Variants in COG5 observed in about 807,000 individuals in gnomAD.
COG5 encodes component of oligomeric golgi complex 5, also known as conserved oligomeric Golgi complex subunit 5.
In COG5, 86 loss-of-function variants were observed where a neutral mutation model predicts 110.4. The observed-to-expected ratio is 0.78, with a 90% CI of 0.65 to 0.93. COG5 has a LOEUF of 0.93. Among genes scored for constraint, COG5 ranks in the 40% least tolerant of loss-of-function variants. COG5 has a pLI of 0.00. For synonymous variants in COG5, 360 were observed against 334.6 expected (o/e 1.08, Z -0.83); for missense variants, 1,077 against 987.0 (o/e 1.09, Z -1.22).
chr7:107,344,401 A>G (rs149187665), intron 10 of COG5, among the ~76,000 whole-genome samples: 4 of 152,366 alleles, frequency 2.6e-5, no homozygotes, highest in African/African-American at 9.6e-5. Context: ...CAGCCTTCAC[A>G]GAATTTAAGA....
chr7:107,222,554 T>C (rs147484282), intron 19 of COG5, among the ~76,000 whole-genome samples: 16 of 152,266 alleles, frequency 1.1e-4, no homozygotes, highest in African/African-American at 3.9e-4. Context: ...AAAGCAAAAC[T>C]AGATTTGACT....
chr7:107,215,729 T>C (rs1489416668), intron 19 of COG5, among the ~76,000 whole-genome samples: 1 of 151,510 alleles, frequency 6.6e-6, no homozygotes, highest in Admixed American at 6.6e-5. Flanking sequence ...CTCACTTCTT[T>C]TTTTTTTTTG....
chr7:107,528,248 T>C (rs935665053), intron 5 of COG5, among the ~76,000 whole-genome samples: 2 of 152,036 alleles, frequency 1.3e-5, no homozygotes, highest in Non-Finnish European at 2.9e-5. Context: ...TGTGCCACCA[T>C]GCCTGGCTAA....
chr7:107,527,393 A>G (rs746001992), intron 5 of COG5, 36 bp from the exon 6 acceptor site: 1 of 1,608,776 alleles, frequency 6.2e-7, no homozygotes, highest in Non-Finnish European at 8.5e-7. Flanking sequence ...TAGTTGATCC[A>G]TGAAGTTTTA....
intron 10 of COG5, among the ~76,000 whole-genome samples, chr7:107,336,325 G>A (rs1007012860): frequency 3.9e-5 from 6 of 152,194 alleles, no homozygotes; most frequent in African/African-American, 1.4e-4. Context: ...TACACTATGT[G>A]TGAGCTAGAA....
At chr7:107,297,487 C>A (rs1013422363) in intron 12 of COG5, among the ~76,000 whole-genome samples, 1 of 90,010 alleles carries the variant, frequency 1.1e-5, no homozygotes, top group East Asian at 3.6e-4. Flanking sequence ...ATCATTTTGT[C>A]GCCCAGGCTG....
At chr7:107,373,047 T>C (rs1814322438) in intron 7 of COG5, among the ~76,000 whole-genome samples, 1 of 152,138 alleles carries the variant, frequency 6.6e-6, no homozygotes, top group South Asian at 2.1e-4. Context: ...TGTATAATAT[T>C]CGAGCTTATT....
intron 6 of COG5, among the ~76,000 whole-genome samples, chr7:107,451,550 TGA>T (rs1259416264): frequency 6.6e-6 from 1 of 152,144 alleles, no homozygotes; most frequent in African/African-American, 2.4e-5. Flanking sequence ...CAAGTTACAC[TGA>T]GTGTGCCTGC....
intron 15 of COG5, 96 bp downstream of exon 15, chr7:107,258,177 C>T: frequency 1.4e-6 from 1 of 738,294 alleles, no homozygotes; most frequent in Non-Finnish European, 2.4e-6. Context: ...TCATTGTATT[C>T]TTTTCCAAAG....
In COG5 at chr7:107,479,527, C is replaced by T. The variant is rs545431810; in HGVS notation, c.538+47710G>A. 5.3e-5 allele frequency among the ~76,000 whole-genome samples: 8 copies of T among 151,862 alleles called. No homozygotes were observed. The South Asian group carries it at 1.5e-3, about 28-fold the overall frequency. On this transcript the variant is annotated intron_variant, in intron 6 of 21. Transcript: ENST00000297135. ...GGGAGTGTACAGATGTGACAGGCAA[C>T]GTGAAGGCAGAGTCAATATTTACTA...
At chr7:107,443,581 TGAA>T (rs1794844832) in intron 6 of COG5, among the ~76,000 whole-genome samples, 1 of 151,484 alleles carries the variant, frequency 6.6e-6, no homozygotes, top group South Asian at 2.1e-4. Context: ...TCTAATGTAA[TGAA>T]GTATTATGAT....
chr7:107,452,017 T>A (rs992922982), intron 6 of COG5, among the ~76,000 whole-genome samples: 18 of 152,166 alleles, frequency 1.2e-4, no homozygotes, highest in Non-Finnish European at 5.9e-5. Context: ...CTCCTACGAA[T>A]GGTTCAGTGA....
chr7:107,493,532 T>C (rs570906083), intron 6 of COG5, among the ~76,000 whole-genome samples: 2 of 152,304 alleles, frequency 1.3e-5, no homozygotes, highest in East Asian at 1.9e-4. Flanking sequence ...AAATTTCTCA[T>C]TGTAAAACAG....
intron 6 of COG5, among the ~76,000 whole-genome samples, chr7:107,501,079 T>C (rs888619059): frequency 8.6e-5 from 13 of 152,034 alleles, no homozygotes; most frequent in African/African-American, 2.9e-4. Flanking sequence ...CCCACCTAAT[T>C]TTCCTGTACA....
At chr7:107,441,913 T>C (rs1224646496) in intron 6 of COG5, among the ~76,000 whole-genome samples, 1 of 152,244 alleles carries the variant, frequency 6.6e-6, no homozygotes, top group Non-Finnish European at 1.5e-5. Context: ...AACCTATTGG[T>C]ATGCATTAGT....
chr7:107,519,904 T>C (rs1382346716), intron 6 of COG5, among the ~76,000 whole-genome samples: 2 of 152,178 alleles, frequency 1.3e-5, no homozygotes, highest in Non-Finnish European at 2.9e-5. Context: ...AATAAAATAC[T>C]GGCAAACCGA....
rs10706210 is a variant in COG5, at chr7:107,282,007, C to CA, written c.1476-609dup. ...TAATTGGGGTATTTGATCTGACTGC[C>CA]AAAAAAAAAAAAAAAAGTATTTTAC... On this transcript the variant is annotated intron_variant, in intron 13 of 21. Coordinates refer to ENST00000297135, the MANE Select transcript of COG5 (RefSeq NM_006348.5). 5.8e-3 allele frequency among the ~76,000 whole-genome samples: 653 copies of CA among 113,248 alleles called. 2 individuals are homozygous for CA. The highest frequency in any genetic ancestry group is 9.4e-3 in the Middle Eastern group (2 of 212). 74.3% of individuals were successfully genotyped at this position (113,248 alleles called of 152,430 possible). A position where few individuals can be genotyped will look rare whatever the true frequency, so the allele number is the denominator to read the frequency against.
rs918451375 is a variant in COG5 at position 107,203,171 on chromosome 7, T to C, written c.*345A>G. The C allele has an allele frequency of 9.1e-6, 3 of 329,914 alleles. No individual in the cohort carries two copies. Among genetic ancestry groups the C allele is most frequent in the Non-Finnish European group, 1.7e-5 (3 of 171,796 alleles). The allele number at this position is 329,914 out of a possible 1,614,324, so 20.4% of individuals were successfully genotyped here. ...GTTGGGGGAAGCAGGGTACATGTTA[T>C]AACTTGATCATATCCCTTTAAAAGA... On this transcript the variant is annotated 3_prime_UTR_variant, in exon 22 of 22. Coordinates refer to ENST00000297135, the MANE Select transcript of COG5 (RefSeq NM_006348.5).
At position 107,362,428 on chromosome 7, in the gene COG5, T is replaced by C; in HGVS notation, c.836-8A>G. Reference sequence around the variant, plus strand: ...TAGATCGTCCAGGTCCCCCTGGTTATGAGTGAGAAAGAACAATGAAAAATA... The same window carrying C: ...TAGATCGTCCAGGTCCCCCTGGTTACGAGTGAGAAAGAACAATGAAAAATA... On this transcript the variant is annotated splice_polypyrimidine_tract_variant and splice_region_variant and intron_variant, in intron 8 of 21. Transcript: ENST00000297135. 6.3e-7 allele frequency: 1 copy of C among 1,586,622 alleles called. No homozygotes were observed. Among genetic ancestry groups the C allele is most frequent in the Non-Finnish European group, 8.7e-7 (1 of 1,155,148 alleles).
Sources: allele counts gnomAD v4.1 joint callset (sites outside exome capture counted in the v4.1 genomes callset), GRCh38; gene constraint gnomAD v4.1.1; transcripts MANE v1.5; gene names NCBI Gene and HGNC (gene_info 2026-07-23, HGNC 2026-07-21).